AMBP: variants seen among roughly 807,000 people sequenced by gnomAD.
AMBP encodes the protein protein AMBP.
A neutral mutation model predicts 46.3 loss-of-function variants in AMBP; 37 were observed. That is an observed-to-expected ratio of 0.80 (90% CI 0.61 to 1.05). The LOEUF (loss-of-function observed/expected upper bound fraction) is 1.05. Ranked by LOEUF, AMBP falls within the 50% of genes least tolerant of loss-of-function variation. The probability of loss-of-function intolerance (pLI) is 0.00; values close to 1 mark genes in which losing one functional copy is unlikely to be tolerated. For synonymous variants in AMBP, 174 were observed against 175.9 expected, an observed-to-expected ratio of 0.99 and a Z score of 0.09; for missense variants, 475 against 461.2, an observed-to-expected ratio of 1.03 and a Z score of -0.27.
chr9:114,062,578 TA>T, intron 7 of AMBP, 98 bp downstream of exon 7: 1 of 1,207,084 alleles, frequency 8.3e-7, no homozygotes, highest in Non-Finnish European at 1.2e-6. Context: ...CTCTAACAGA[TA>T]AAGAGACTGC....
At chr9:114,062,873 C>A in intron 6 of AMBP, 115 bp from the exon 7 acceptor site, 1 of 1,025,270 alleles carries the variant, frequency 9.8e-7, no homozygotes, top group Non-Finnish European at 1.5e-6. Context: ...TAGGTAGGAA[C>A]ACAGCTCTTA....
rs189768765 is a variant in AMBP, at chr9:114,075,735, G to T, written c.261-699C>A. 3.9e-5 allele frequency among the ~76,000 whole-genome samples: 6 copies of T among 152,268 alleles called. No homozygotes were observed. The East Asian group carries it at 1.2e-3, about 29-fold the overall frequency. On this transcript the variant is annotated intron_variant, in intron 2 of 9. Transcript: ENST00000265132. ...AAGTACCACATGGGGGTAAGTGTGAGGTCCTCTTCGGGCACAAAGAAGGGC... is the reference window on the plus strand; with the variant it reads ...AAGTACCACATGGGGGTAAGTGTGATGTCCTCTTCGGGCACAAAGAAGGGC...
chr9:114,073,849 A>T (rs1846772523), intron 4 of AMBP, among the ~76,000 whole-genome samples, 187 bp downstream of exon 4: 1 of 152,112 alleles, frequency 6.6e-6, no homozygotes, highest in South Asian at 2.1e-4. Context: ...CTGGGCCTGG[A>T]ATTTTAGAGA....
chr9:114,065,895 AAAAT>A (rs546044882), intron 6 of AMBP, among the ~76,000 whole-genome samples: 178 of 152,356 alleles, frequency 1.2e-3, no homozygotes, highest in African/African-American at 4.0e-3. Context: ...AGTGAATAAA[AAAAT>A]AAATAACCTG....
chr9:114,074,480 A>T (rs1362663281), intron 3 of AMBP, among the ~76,000 whole-genome samples: 1 of 152,162 alleles, frequency 6.6e-6, no homozygotes, highest in African/African-American at 2.4e-5. Context: ...TTATCCTTAC[A>T]TATATTCAGT....
At position 114,078,166 on chromosome 9, in the gene AMBP, A is replaced by C; in HGVS notation, c.44T>G (p.Leu15Arg). ...GALLLLLSAC[L>R]AVSAGPVPTP... ...TGGCACAGGGCCAGCGCTCACCGCC[A>C]GGCAGGCGCTCAGCAGCAAGAGCAG... Residue 15 changes from leucine to arginine, a missense_variant, in exon 1 of 10, where the codon CTG becomes CGG. Coordinates refer to ENST00000265132, the MANE Select transcript of AMBP (RefSeq NM_001633.4). 6.2e-7 allele frequency: 1 copy of C among 1,613,516 alleles called. No individual in the cohort carries two copies. The highest frequency in any genetic ancestry group is 8.5e-7 in the Non-Finnish European group (1 of 1,180,026).
At chr9:114,073,491 C>CTTTTTT (rs71492766) in intron 4 of AMBP, among the ~76,000 whole-genome samples, 1 of 114,178 alleles carries the variant, frequency 8.8e-6, no homozygotes, top group African/African-American at 4.1e-5. Context: ...GTCTCAATCC[C>CTTTTTT]TGTTTTTTTT....
At position 114,074,986 on chromosome 9, in the gene AMBP, T is replaced by A. The variant is rs777385730; in HGVS notation, c.311A>T (p.Asp104Val). The change falls in exon 3 of 10, where the codon GAT (aspartate) becomes GTT (valine). Residue 104 changes from aspartate to valine, a missense_variant. Asp to Val is a radical substitution (Grantham distance 152). Around this residue, in one of 3 missense-constraint regions of AMBP, gnomAD observed 179 missense variants for 167.4 expected, o/e 1.07. Transcript: ENST00000265132. ...TSGAYEKTDTDGKFLYHKSKW... is the reference protein window; with the variant it reads ...TSGAYEKTDTVGKFLYHKSKW... The stretch of plus-strand genomic sequence containing the variant: ...GGATTTGTGATAGAGAAACTTCCCA[T>A]CAGTATCTGTTTTCTCATAAGCTCC... 6.2e-7 allele frequency: 1 copy of A among 1,614,162 alleles called. No individual in the cohort carries two copies. The highest frequency in any genetic ancestry group is 1.1e-5 in the South Asian group (1 of 91,078).
At chr9:114,068,823 A>C (rs888567742) in intron 6 of AMBP, among the ~76,000 whole-genome samples, 12 of 151,210 alleles carry the variant, frequency 7.9e-5, no homozygotes, top group African/African-American at 2.2e-4. Context: ...AAAAAAAAAA[A>C]AAAAAAAAAC....
Position 114,060,200 on chromosome 9 carries a change from A to G in AMBP, c.*39T>C, listed in dbSNP as rs1846618524. The G allele has an allele frequency of 3.1e-6, 5 of 1,602,670 alleles. No individual in the cohort carries two copies. Among genetic ancestry groups the G allele is most frequent in the South Asian group, 1.1e-5 (1 of 88,906 alleles). Reference sequence around the variant, plus strand: ...GCTGCCTGCCACAGGACCCCGGGACAGACACTGGCCATCCTCTGACTTGCA... The same window carrying G: ...GCTGCCTGCCACAGGACCCCGGGACGGACACTGGCCATCCTCTGACTTGCA... On this transcript the variant is annotated 3_prime_UTR_variant, in exon 10 of 10. Transcript: ENST00000265132.
chr9:114,062,716 C>G lies in AMBP; in HGVS notation c.646G>C (p.Gly216Arg), dbSNP rs758097055. The G allele has an allele frequency of 1.2e-6, 2 of 1,614,096 alleles. No individual in the cohort carries two copies. Among genetic ancestry groups the G allele is most frequent in the South Asian group, 1.1e-5 (1 of 91,078 alleles). Reference protein sequence around the residue: ...AVLPQEEEGSGGGQLVTEVTK... With the variant: ...AVLPQEEEGSRGGQLVTEVTK... Reference sequence around the variant, plus strand: ...ACTTCAGTTACCAGTTGCCCACCCCCTGATCCTTCCTCTTCTTGGGGTAGC... The same window carrying G: ...ACTTCAGTTACCAGTTGCCCACCCCGTGATCCTTCCTCTTCTTGGGGTAGC... The change falls in exon 7 of 10, where the codon GGG (glycine) becomes CGG (arginine). Residue 216 changes from glycine to arginine, a missense_variant. Gly to Arg is a moderately radical substitution (Grantham distance 125). Coordinates refer to ENST00000265132, the MANE Select transcript of AMBP (RefSeq NM_001633.4).
chr9:114,072,236 C>T (rs1035208595), intron 5 of AMBP, among the ~76,000 whole-genome samples: 1 of 152,204 alleles, frequency 6.6e-6, no homozygotes, highest in South Asian at 2.1e-4. Flanking sequence ...TTGGCATCTC[C>T]GAGCTTCCAA....
At position 114,061,578 on chromosome 9, in the gene AMBP, C is replaced by G. The variant is rs781154097; in HGVS notation, c.699G>C (p.Leu233=). Residue 233 remains leucine (L), a synonymous_variant, in exon 8 of 10, where the codon CTG becomes CTC. Transcript: ENST00000265132. The part of the protein sequence containing the change: ...EVTKKEDSCQ[L]GYSAGPCMGM... ...CCATGCAGGGACCGGCCGAGTAGCC[C>G]AGCTGGCAGGAATCTAGGGAGGGGC... The G allele has an allele frequency of 6.2e-7, 1 of 1,600,442 alleles. No homozygotes were observed. The highest frequency in any genetic ancestry group is 1.3e-5 in the African/African-American group (1 of 74,772).
rs1438084150 is a variant in AMBP, at chr9:114,062,700, AC to A, written c.661del (p.Val221Ter). The A allele has an allele frequency of 2.5e-6, 4 of 1,613,834 alleles. No individual in the cohort carries two copies. The highest frequency in any genetic ancestry group is 3.4e-6 in the Non-Finnish European group (4 of 1,180,016). ...EEEGSGGGQL[V>X]TEVTKKEDSC... is the part of the protein sequence containing the mutation. ...ACCTTCTTTCTTGGTGACTTCAGTT[AC>A]CAGTTGCCCACCCCCTGATCCTTCC... On this transcript the variant is annotated frameshift_variant, in exon 7 of 10. Transcript: ENST00000265132. LOFTEE classifies it high-confidence loss of function.
At chr9:114,069,027 AT>A (rs553230811) in intron 6 of AMBP, among the ~76,000 whole-genome samples, 11 of 151,882 alleles carry the variant, frequency 7.2e-5, no homozygotes, top group African/African-American at 2.7e-4. Flanking sequence ...TTTCAAGAAT[AT>A]TTTTCCAAAT....
intron 6 of AMBP, among the ~76,000 whole-genome samples, chr9:114,063,666 A>C (rs1178154883): frequency 6.6e-6 from 1 of 152,212 alleles, no homozygotes; most frequent in Non-Finnish European, 1.5e-5. Context: ...AGAACACTTA[A>C]ACCTTCCCTG....
At chr9:114,077,011 A>T (rs1300675878) in intron 1 of AMBP, among the ~76,000 whole-genome samples, 2 of 152,080 alleles carry the variant, frequency 1.3e-5, no homozygotes, top group Admixed American at 1.3e-4. Flanking sequence ...AGAAGGGCTA[A>T]CTCTCTCAAG....
rs1165599937 is a variant in AMBP, at chr9:114,074,063, C to T, written c.427G>A (p.Gly143Arg). The T allele has an allele frequency of 6.2e-7, 1 of 1,614,174 alleles. No individual in the cohort carries two copies. Among genetic ancestry groups the T allele is most frequent in the Non-Finnish European group, 8.5e-7 (1 of 1,180,034 alleles). ...FLTKKFSRHH[G>R]PTITAKLYGR... ...TAGAGCTTGGCAGTAATGGTGGGTCCATGATGGCGGCTGAATTTCTTGGTC... is the reference window on the plus strand; with the variant it reads ...TAGAGCTTGGCAGTAATGGTGGGTCTATGATGGCGGCTGAATTTCTTGGTC... Residue 143 changes from glycine to arginine, a missense_variant, in exon 4 of 10, where the codon GGA becomes AGA. By Grantham distance (125) the Gly-to-Arg change is moderately radical. Transcript: ENST00000265132.
intron 9 of AMBP, among the ~76,000 whole-genome samples, 169 bp downstream of exon 9, chr9:114,060,755 TC>T (rs1227314405): frequency 6.6e-6 from 1 of 152,068 alleles, no homozygotes; most frequent in Non-Finnish European, 1.5e-5. Flanking sequence ...AAGGCCCAAT[TC>T]CAGCTGGGGT....
Sources: allele counts gnomAD v4.1 joint callset (sites outside exome capture counted in the v4.1 genomes callset), GRCh38; gene constraint gnomAD v4.1.1; regional missense constraint gnomAD v4.1.1; transcripts MANE v1.5; gene names NCBI Gene and HGNC (gene_info 2026-07-23, HGNC 2026-07-21).